DLGAP2: variants seen among roughly 807,000 people sequenced by gnomAD.
DLGAP2 encodes the protein disks large-associated protein 2.
In DLGAP2, 26 loss-of-function variants were observed where a neutral mutation model predicts 100.3. The ratio of observed to expected loss-of-function variants is 0.26; its 90% CI spans 0.19 to 0.36. The LOEUF is 0.36. Among genes scored for constraint, DLGAP2 ranks in the 10% least tolerant of loss-of-function variants. The pLI is 1.00. For synonymous variants in DLGAP2, 886 were observed against 630.1 expected (o/e 1.41, Z -6.08); for missense variants, 1,858 against 1,453.2 (o/e 1.28, Z -4.53).
intron 2 of DLGAP2, among the ~76,000 whole-genome samples, chr8:1,170,691 C>G (rs912622349): frequency 1.4e-5 from 2 of 148,028 alleles, no homozygotes; most frequent in Non-Finnish European, 3.0e-5. Flanking sequence ...GTAATATTCT[C>G]TGATGGTAGT....
At chr8:1,325,217 A>T (rs1477043699) in intron 3 of DLGAP2, among the ~76,000 whole-genome samples, 2 of 152,196 alleles carry the variant, frequency 1.3e-5, no homozygotes, top group Non-Finnish European at 2.9e-5. Context: ...TGAGATGTTC[A>T]ATGTCGCAAT....
At position 1,227,153 on chromosome 8, in the gene DLGAP2, G is replaced by GATAGATAGATATATAT. The variant is rs796173465; in HGVS notation, c.74-31695_74-31694insGATAGATATATATATA. ...AAATGAATGGGTAAGGAAACTGTGA[G>GATAGATAGATATATAT]ATATATATATATATATATATAGTAT... On this transcript the variant is annotated intron_variant, in intron 2 of 14. Transcript: ENST00000637795. Among the ~76,000 whole-genome samples, 5 of 89,710 alleles carry GATAGATAGATATATAT rather than the reference G, an allele frequency of 5.6e-5. No homozygotes were observed. The East Asian group carries it at 1.7e-3, about 31-fold the overall frequency. 58.9% of individuals were successfully genotyped at this position (89,710 alleles called of 152,430 possible).
chr8:1,668,283 A>G (rs1798594905), intron 8 of DLGAP2, 46 bp from the exon 9 acceptor site: 14 of 1,435,620 alleles, frequency 9.8e-6, no homozygotes, highest in Non-Finnish European at 1.1e-5. Flanking sequence ...CCACAGGCTG[A>G]CGGGGAAGAA....
At chr8:1,245,456 C>G (rs1277492261) in intron 2 of DLGAP2, among the ~76,000 whole-genome samples, 1 of 152,178 alleles carries the variant, frequency 6.6e-6, no homozygotes, top group African/African-American at 2.4e-5. Flanking sequence ...ACAGACGAAC[C>G]TCAGAAACAT....
At chr8:1,549,735 T>G (rs537709297) in intron 5 of DLGAP2, 52 bp downstream of exon 5, 1 of 1,463,486 alleles carries the variant, frequency 6.8e-7, no homozygotes, top group Non-Finnish European at 9.0e-7. Context: ...CAGGTGGTAT[T>G]GTCGTTATTC....
At chr8:1,531,289 G>T (rs1389970342) in intron 4 of DLGAP2, among the ~76,000 whole-genome samples, 1 of 150,104 alleles carries the variant, frequency 6.7e-6, no homozygotes, top group Non-Finnish European at 1.5e-5. Flanking sequence ...TTCTTAACCT[G>T]GGACAAATTT....
At chr8:1,525,682 C>T (rs1800771202) in intron 4 of DLGAP2, among the ~76,000 whole-genome samples, 1 of 152,248 alleles carries the variant, frequency 6.6e-6, no homozygotes, top group African/African-American at 2.4e-5. Flanking sequence ...CCTGATCTCA[C>T]CTCTGCTTAT....
At chr8:1,383,737 A>G (rs1796147257) in intron 3 of DLGAP2, among the ~76,000 whole-genome samples, 1 of 152,326 alleles carries the variant, frequency 6.6e-6, no homozygotes, top group Non-Finnish European at 1.5e-5. Context: ...TAGAATGGCC[A>G]CGTCAGAGCC....
At chr8:1,123,249 A>G (rs1796090918) in intron 2 of DLGAP2, among the ~76,000 whole-genome samples, 1 of 152,218 alleles carries the variant, frequency 6.6e-6, no homozygotes, top group African/African-American at 2.4e-5. Context: ...CTAAAATGTA[A>G]AGCAAAGAAT....
At chr8:1,472,953 A>C (rs1286225050) in intron 3 of DLGAP2, among the ~76,000 whole-genome samples, 1 of 151,746 alleles carries the variant, frequency 6.6e-6, no homozygotes, top group African/African-American at 2.4e-5. Context: ...TTTTTTTTTG[A>C]CATGGACTCT....
intron 3 of DLGAP2, among the ~76,000 whole-genome samples, chr8:1,462,381 G>T (rs1354798432): frequency 1.1e-5 from 1 of 94,650 alleles, no homozygotes; most frequent in African/African-American, 3.8e-5. Flanking sequence ...CAGGAGGAGG[G>T]AGAAGGGTGG....
intron 6 of DLGAP2, among the ~76,000 whole-genome samples, chr8:1,575,137 G>C (rs1236724909): frequency 1.3e-5 from 2 of 152,178 alleles, no homozygotes; most frequent in Non-Finnish European, 2.9e-5. Context: ...GGAGTGACTA[G>C]TATTCCACAC....
intron 3 of DLGAP2, among the ~76,000 whole-genome samples, chr8:1,271,873 G>T (rs969009024): frequency 1.1e-4 from 17 of 152,180 alleles, no homozygotes; most frequent in African/African-American, 3.9e-4. Context: ...GGAGTTCAGT[G>T]GTGCAACCTC....
chr8:1,019,545 C>G (rs1034973751), intron 2 of DLGAP2: 3 of 151,908 alleles, frequency 2.0e-5, no homozygotes, highest in Non-Finnish European at 4.4e-5. Flanking sequence ...ACTTCACCGT[C>G]TGTCGTCATC....
At chr8:1,184,014 A>C (rs1797447096) in intron 2 of DLGAP2, among the ~76,000 whole-genome samples, 1 of 152,254 alleles carries the variant, frequency 6.6e-6, no homozygotes, top group Non-Finnish European at 1.5e-5. Flanking sequence ...CACCATGATC[A>C]CTGTTAATAT....
At chr8:1,447,492 AT>A (rs1191751597) in intron 3 of DLGAP2, among the ~76,000 whole-genome samples, 1 of 152,160 alleles carries the variant, frequency 6.6e-6, no homozygotes, top group Non-Finnish European at 1.5e-5. Context: ...GTTTGCCAGT[AT>A]TTTATTGAGG....
intron 3 of DLGAP2, among the ~76,000 whole-genome samples, chr8:1,342,825 C>T (rs544789804): frequency 9.9e-5 from 15 of 152,236 alleles, no homozygotes; most frequent in East Asian, 5.8e-4. Flanking sequence ...TGTGATTTAG[C>T]GCTGTATTTC....
intron 2 of DLGAP2, among the ~76,000 whole-genome samples, chr8:971,479 C>A (rs866515981): frequency 2.0e-5 from 3 of 152,210 alleles, no homozygotes; most frequent in African/African-American, 7.2e-5. Flanking sequence ...GTTACCACCA[C>A]TGGGAGAAGC....
intron 2 of DLGAP2, among the ~76,000 whole-genome samples, chr8:1,116,399 A>G (rs772267442): frequency 5.3e-5 from 8 of 152,168 alleles, no homozygotes; most frequent in African/African-American, 7.2e-5. Context: ...AAATTCTACA[A>G]TTTGGTGCTA....
Sources: allele counts gnomAD v4.1 joint callset (sites outside exome capture counted in the v4.1 genomes callset), GRCh38; gene constraint gnomAD v4.1.1; transcripts MANE v1.5; gene names NCBI Gene and HGNC (gene_info 2026-07-23, HGNC 2026-07-21).